CCDC14: variants seen among roughly 807,000 people sequenced by gnomAD.
CCDC14 encodes the protein coiled-coil domain containing 14.
Under a neutral mutation model 81.4 loss-of-function variants are expected in CCDC14, and 71 were observed. The observed-to-expected ratio is 0.87, with a 90% CI of 0.72 to 1.06. The LOEUF is 1.06. Among genes scored for constraint, CCDC14 ranks in the 50% least tolerant of loss-of-function variants. CCDC14 has a pLI of 0.00. For missense variants in CCDC14, 1,046 were observed against 1,047.3 expected (o/e 1.00, Z 0.02); for synonymous variants, 332 against 364.8 (o/e 0.91, Z 1.03).
intron 12 of CCDC14, 108 bp downstream of exon 12, chr3:123,930,994 T>C (rs1307327476): frequency 2.1e-6 from 2 of 946,180 alleles, no homozygotes; most frequent in Non-Finnish European, 3.0e-6. Context: ...ATTGGCAAAA[T>C]AAGAGAAAAA....
At chr3:123,922,969 A>G (rs1011651725) in intron 12 of CCDC14, among the ~76,000 whole-genome samples, 33 of 152,262 alleles carry the variant, frequency 2.2e-4, no homozygotes, top group African/African-American at 7.7e-4. Context: ...AGAAAAGAAC[A>G]CTACAAGAAA....
chr3:123,931,092 T>C lies in CCDC14; in HGVS notation c.1778+10A>G. On this transcript the variant is annotated intron_variant, in intron 12 of 12. Transcript: ENST00000409697. ...AAAGGCATGAGTTATTCAAAGGAAG[T>C]CAATTTTACCTGGTTAATTCTCTTA... 6.4e-7 allele frequency: 1 copy of C among 1,562,498 alleles called. No individual in the cohort carries two copies. The highest frequency in any genetic ancestry group is 8.6e-7 in the Non-Finnish European group (1 of 1,164,016).
chr3:123,932,073 T>C (rs2035755284), intron 10 of CCDC14, among the ~76,000 whole-genome samples: 1 of 152,218 alleles, frequency 6.6e-6, no homozygotes, highest in African/African-American at 2.4e-5. Context: ...TATGGCACCA[T>C]TTGTTGAGCA....
At position 123,947,407 on chromosome 3, in the gene CCDC14, T is replaced by G. The variant is rs1401403130; in HGVS notation, c.685-88A>C. ...ACAAACTCAAATATATGAAATATAT[T>G]TATTAAAACATGTTTATTAATATAT... On this transcript the variant is annotated intron_variant, in intron 7 of 12. Coordinates refer to ENST00000409697, the MANE Select transcript of CCDC14 (RefSeq NM_001366335.1). The G allele has an allele frequency of 7.0e-6, 6 of 859,736 alleles. No homozygotes were observed. The Admixed American group carries it at 1.6e-4, about 22-fold the overall frequency. The allele number at this position is 859,736 out of a possible 1,614,324, so 53.3% of individuals were successfully genotyped here. A position where few individuals can be genotyped will look rare whatever the true frequency, so the allele number is the denominator to read the frequency against.
Position 123,948,758 on chromosome 3 carries a change from TA to T in CCDC14, c.616del (p.Tyr206MetfsTer95), listed in dbSNP as rs959692200. ...GACTGGGGTGGAGGTACATAAGCCA[TA>T]ACTAGAATGAGGAGTTGCCTGAGAT... Reference protein sequence around the residue: ...SESQATPHSSYGLCTSTPVWS... With the variant: ...SESQATPHSSXGLCTSTPVWS... On this transcript the variant is annotated frameshift_variant, in exon 7 of 13. Coordinates refer to ENST00000409697, the MANE Select transcript of CCDC14 (RefSeq NM_001366335.1). LOFTEE classifies it high-confidence loss of function. 6 of 1,598,120 alleles carry T rather than the reference TA, an allele frequency of 3.8e-6. No individual in the cohort carries two copies. Among genetic ancestry groups the T allele is most frequent in the Non-Finnish European group, 2.6e-6 (3 of 1,176,006 alleles).
intron 9 of CCDC14, among the ~76,000 whole-genome samples, chr3:123,944,418 A>G (rs2036520677): frequency 6.6e-6 from 1 of 152,110 alleles, no homozygotes; most frequent in South Asian, 2.1e-4. Flanking sequence ...ACACATACTG[A>G]GACAGTGGCT....
At position 123,915,536 on chromosome 3, in the gene CCDC14, C is replaced by A. The variant is rs2034625915; in HGVS notation, c.1961G>T (p.Ser654Ile). The A allele has an allele frequency of 6.2e-7, 1 of 1,613,944 alleles. No homozygotes were observed. Among genetic ancestry groups the A allele is most frequent in the Non-Finnish European group, 8.5e-7 (1 of 1,179,884 alleles). ...AGAAAGTGGCTCTGAATGTGTAAAA[C>A]TGTAATTTGTTTCTAACTTATTTAG... ...SYLNKLETNY[S>I]FTHSEPLSTI... Residue 654 changes from serine (S) to isoleucine (I), a missense_variant, in exon 13 of 13, where the codon AGT becomes ATT. Physicochemically the swap from Ser to Ile is moderately radical, Grantham distance 142. Coordinates refer to ENST00000409697, the MANE Select transcript of CCDC14 (RefSeq NM_001366335.1).
chr3:123,894,714 A>G (rs902540925), downstream of CCDC14, among the ~76,000 whole-genome samples: 4 of 152,188 alleles, frequency 2.6e-5, no homozygotes, highest in Non-Finnish European at 5.9e-5. Context: ...GCTATTGAAA[A>G]TTGAATTGTT....
intron 9 of CCDC14, among the ~76,000 whole-genome samples, chr3:123,936,204 A>T (rs1324794473): frequency 1.3e-5 from 2 of 152,158 alleles, no homozygotes; most frequent in Non-Finnish European, 2.9e-5. Flanking sequence ...CTAGGCTTTT[A>T]AAAAAATATT....
At chr3:123,927,387 A>C (rs1235723862) in intron 12 of CCDC14, among the ~76,000 whole-genome samples, 1 of 152,148 alleles carries the variant, frequency 6.6e-6, no homozygotes, top group Non-Finnish European at 1.5e-5. Flanking sequence ...ACTGGACTCC[A>C]GCTTGGGTGA....
chr3:123,959,589 T>G (rs1184611784), intron 1 of CCDC14, among the ~76,000 whole-genome samples: 4 of 152,346 alleles, frequency 2.6e-5, no homozygotes, highest in African/African-American at 7.2e-5. Context: ...GCCTTTTCAC[T>G]CCATTAATCA....
rs1016718954 is a variant in CCDC14 at position 123,914,834 on chromosome 3, T to C, written c.2663A>G (p.Asp888Gly). Reference sequence around the variant, plus strand: ...CTTCTGGAGTCTAGCTATGTTGGCATCTAATGCCGCAAGGCCATTTCTGAA... The same window carrying C: ...CTTCTGGAGTCTAGCTATGTTGGCACCTAATGCCGCAAGGCCATTTCTGAA... Reference protein sequence around the residue: ...QDFRNGLAALDANIARLQKSL... With the variant: ...QDFRNGLAALGANIARLQKSL... The change falls in exon 13 of 13, where the codon GAT (aspartate) becomes GGT (glycine). Residue 888 changes from aspartate to glycine, a missense_variant. Physicochemically the swap from Asp to Gly is moderately conservative, Grantham distance 94. Transcript: ENST00000409697. 6 of 1,599,688 alleles carry C rather than the reference T, an allele frequency of 3.8e-6. No individual in the cohort carries two copies. Among genetic ancestry groups the C allele is most frequent in the African/African-American group, 2.7e-5 (2 of 74,650 alleles).
chr3:123,959,989 T>C (rs2037579134), intron 1 of CCDC14, among the ~76,000 whole-genome samples: 1 of 152,188 alleles, frequency 6.6e-6, no homozygotes, highest in Admixed American at 6.5e-5. Context: ...TTCTATCTAC[T>C]GAAAACAGCC....
the CCDC14 span, among the ~76,000 whole-genome samples, chr3:123,886,466 C>T: frequency 9.6e-4 from 145 of 151,544 alleles, no homozygotes; most frequent in African/African-American, 3.4e-3. Context: ...GGCACGATCT[C>T]GGCTCACTGC....
At chr3:123,928,210 G>A (rs545954114) in intron 12 of CCDC14, among the ~76,000 whole-genome samples, 2 of 151,746 alleles carry the variant, frequency 1.3e-5, no homozygotes, top group East Asian at 3.9e-4. Flanking sequence ...AAAAAAAGAC[G>A]TATCTGGCCT....
chr3:123,923,016 C>G (rs1160498239), intron 12 of CCDC14, among the ~76,000 whole-genome samples: 1 of 151,924 alleles, frequency 6.6e-6, no homozygotes, highest in Non-Finnish European at 1.5e-5. Context: ...TGAACACAGA[C>G]TTAAAAAACC....
intron 10 of CCDC14, 41 bp from the exon 11 acceptor site, chr3:123,931,567 TA>T: frequency 1.9e-6 from 2 of 1,070,538 alleles, no homozygotes; most frequent in South Asian, 1.8e-5. Flanking sequence ...TTCCCAAACC[TA>T]AAAAGTACAA....
chr3:123,929,832 A>G (rs2035597859), intron 12 of CCDC14, among the ~76,000 whole-genome samples: 1 of 152,154 alleles, frequency 6.6e-6, no homozygotes, highest in African/African-American at 2.4e-5. Flanking sequence ...TATTCTGGAC[A>G]TTTCGTATAA....
chr3:123,961,094 C>G (rs1266555341), intron 1 of CCDC14, 50 bp downstream of exon 1: 2 of 1,478,534 alleles, frequency 1.4e-6, no homozygotes, highest in Non-Finnish European at 1.8e-6. Flanking sequence ...CGAAAACCCC[C>G]CTGTCCCTCT....
Sources: allele counts gnomAD v4.1 joint callset (sites outside exome capture counted in the v4.1 genomes callset), GRCh38; gene constraint gnomAD v4.1.1; transcripts MANE v1.5; gene names NCBI Gene and HGNC (gene_info 2026-07-23, HGNC 2026-07-21).